The following KIAA1217 variants were observed in gnomAD, a reference collection of about 807,000 sequenced individuals.
KIAA1217 encodes KIAA1217, also known as sickle tail protein homolog.
KIAA1217 carries 88 observed loss-of-function variants against 163.9 expected under a neutral mutation model. That is an observed-to-expected ratio of 0.54 (90% CI 0.45 to 0.64). The LOEUF is 0.64. Among genes scored for constraint, KIAA1217 ranks in the 30% least tolerant of loss-of-function variants. The probability of loss-of-function intolerance (pLI) is 0.00; values close to 1 mark genes in which losing one functional copy is unlikely to be tolerated. For synonymous variants in KIAA1217, 903 were observed against 923.1 expected, an observed-to-expected ratio of 0.98 and a Z score of 0.39; for missense variants, 2,372 against 2,475.0, an observed-to-expected ratio of 0.96 and a Z score of 0.88.
intron 1 of KIAA1217, among the ~76,000 whole-genome samples, chr10:23,929,563 A>G (rs564861647): frequency 6.6e-6 from 1 of 152,220 alleles, no homozygotes; most frequent in South Asian, 2.1e-4. Context: ...AACATGTAGT[A>G]TTTGGTTTTC....
chr10:24,412,412 T>G (rs138933492), intron 3 of KIAA1217, among the ~76,000 whole-genome samples: 3 of 152,322 alleles, frequency 2.0e-5, no homozygotes, highest in Non-Finnish European at 4.4e-5. Flanking sequence ...AAGCACTGTT[T>G]CCAGTTCTTC....
At chr10:24,477,440 A>G (rs1192661739) in intron 6 of KIAA1217, among the ~76,000 whole-genome samples, 2 of 152,220 alleles carry the variant, frequency 1.3e-5, no homozygotes, top group East Asian at 1.9e-4. Context: ...AGAATTCTAC[A>G]TATTCCATGC....
chr10:23,940,182 G>A (rs1468978770), intron 1 of KIAA1217, among the ~76,000 whole-genome samples: 2 of 151,986 alleles, frequency 1.3e-5, no homozygotes, highest in Admixed American at 1.3e-4. Flanking sequence ...GCAGTTGGCT[G>A]AGTGCAGTGG....
intron 5 of KIAA1217, among the ~76,000 whole-genome samples, chr10:24,440,271 G>A (rs1366811871): frequency 6.6e-6 from 1 of 152,226 alleles, no homozygotes. Context: ...CAATCGTGAA[G>A]CATGGACTAA....
chr10:24,277,442 G>A (rs1008876582), intron 2 of KIAA1217, among the ~76,000 whole-genome samples: 2 of 152,230 alleles, frequency 1.3e-5, no homozygotes, highest in Admixed American at 6.5e-5. Context: ...GGGAGACAAG[G>A]CCACCTGCTA....
chr10:23,702,177 A>G (rs1214036102), intron 1 of KIAA1217, among the ~76,000 whole-genome samples: 1 of 152,070 alleles, frequency 6.6e-6, no homozygotes, highest in Admixed American at 6.5e-5. Context: ...AATTCATTTT[A>G]TTGTAACTGT....
At chr10:24,230,800 G>A (rs2071302894) in intron 2 of KIAA1217, among the ~76,000 whole-genome samples, 1 of 152,022 alleles carries the variant, frequency 6.6e-6, no homozygotes, top group African/African-American at 2.4e-5. Flanking sequence ...CAAAGTGCTG[G>A]GATTACAGGT....
intron 1 of KIAA1217, among the ~76,000 whole-genome samples, chr10:23,746,027 C>T (rs1305170633): frequency 6.6e-6 from 1 of 152,168 alleles, no homozygotes; most frequent in African/African-American, 2.4e-5. Context: ...TAACTTATTG[C>T]TGCCATTTGT....
At chr10:24,392,712 G>A (rs2130853781) in intron 3 of KIAA1217, among the ~76,000 whole-genome samples, 1 of 152,296 alleles carries the variant, frequency 6.6e-6, no homozygotes, top group South Asian at 2.1e-4. Flanking sequence ...CTTTCCCCGG[G>A]AATGACATTG....
At chr10:24,073,016 G>T (rs116999772) in intron 2 of KIAA1217, among the ~76,000 whole-genome samples, 1 of 149,634 alleles carries the variant, frequency 6.7e-6, no homozygotes, top group Non-Finnish European at 1.5e-5. Context: ...CCAAGATCAC[G>T]CCACTGCACT....
At chr10:24,484,805 T>C (rs113647676) in intron 6 of KIAA1217, among the ~76,000 whole-genome samples, 2,810 of 152,236 alleles carry the variant, frequency 0.018, 79 homozygotes, top group African/African-American at 0.06. Flanking sequence ...TATGAATAAA[T>C]TTTTCATTGA....
At chr10:23,846,850 A>G (rs1007109287) in intron 1 of KIAA1217, among the ~76,000 whole-genome samples, 1 of 152,134 alleles carries the variant, frequency 6.6e-6, no homozygotes, top group Admixed American at 6.5e-5. Flanking sequence ...TTGCCCATTC[A>G]GTATGATATT....
At chr10:24,060,148 A>G (rs981045194) in intron 2 of KIAA1217, among the ~76,000 whole-genome samples, 36 of 144,146 alleles carry the variant, frequency 2.5e-4, no homozygotes, top group Non-Finnish European at 1.2e-4. Flanking sequence ...AATCTCATTG[A>G]TTTTTTTTCC....
At chr10:23,883,794 C>T (rs1841056208) in intron 1 of KIAA1217, among the ~76,000 whole-genome samples, 1 of 151,936 alleles carries the variant, frequency 6.6e-6, no homozygotes, top group Non-Finnish European at 1.5e-5. Context: ...TCTCTCCCCC[C>T]AACTCTTGAC....
In KIAA1217 at chr10:23,932,026, C is replaced by T. The variant is rs978170638; in HGVS notation, c.-320-75199C>T. 5.3e-5 allele frequency among the ~76,000 whole-genome samples: 8 copies of T among 152,226 alleles called. No homozygotes were observed. The East Asian group carries it at 1.2e-3, about 22-fold the overall frequency. On this transcript the variant is annotated intron_variant, in intron 1 of 18. Transcript: ENST00000376462. ...GGTAAATGAAACAACCAGAGCAGCCCGGCAGGGAGGGCAGGGAGAGAGCAG... is the reference window on the plus strand; with the variant it reads ...GGTAAATGAAACAACCAGAGCAGCCTGGCAGGGAGGGCAGGGAGAGAGCAG...
intron 2 of KIAA1217, among the ~76,000 whole-genome samples, chr10:24,330,844 G>C (rs918606574): frequency 1.3e-5 from 2 of 151,986 alleles, no homozygotes; most frequent in South Asian, 4.1e-4. Context: ...GAACTCTTGG[G>C]CTCAAGCAAT....
intron 6 of KIAA1217, among the ~76,000 whole-genome samples, chr10:24,492,518 G>A (rs780052682): frequency 2.0e-5 from 3 of 152,094 alleles, no homozygotes; most frequent in Non-Finnish European, 4.4e-5. Flanking sequence ...ACTTAAAATT[G>A]CTTGGTGTTT....
At chr10:24,192,184 G>A (rs776392391) in intron 2 of KIAA1217, among the ~76,000 whole-genome samples, 9 of 152,110 alleles carry the variant, frequency 5.9e-5, no homozygotes, top group African/African-American at 1.2e-4. Flanking sequence ...GAACAGTCAC[G>A]CAGAAGTATG....
chr10:24,537,956 A>G (rs573624382), intron 17 of KIAA1217, among the ~76,000 whole-genome samples: 2 of 152,350 alleles, frequency 1.3e-5, no homozygotes, highest in East Asian at 3.9e-4. Flanking sequence ...TCTTACTTGA[A>G]TTAAGCTTCC....
Sources: gnomAD v4.1 joint callset for allele counts (sites outside exome capture counted in the v4.1 genomes callset) on GRCh38, gnomAD v4.1.1 for gene constraint, MANE v1.5 for transcripts, NCBI Gene and HGNC (gene_info 2026-07-23, HGNC 2026-07-21) for gene names.